KIAA1549L: variants seen among roughly 807,000 people sequenced by gnomAD.
The protein encoded by KIAA1549L is UPF0606 protein KIAA1549L.
Under a neutral mutation model 160.7 loss-of-function variants are expected in KIAA1549L, and 88 were observed. That is an observed-to-expected ratio of 0.55 (90% confidence interval 0.46 to 0.65). The LOEUF (loss-of-function observed/expected upper bound fraction) is 0.65, where lower values mean the gene tolerates loss of function less well. Ranked by LOEUF, KIAA1549L falls within the 30% of genes least tolerant of loss-of-function variation. The pLI is 0.00. For synonymous variants in KIAA1549L, 950 were observed against 976.7 expected (o/e 0.97, Z 0.51); for missense variants, 2,258 against 2,437.5 (o/e 0.93, Z 1.55).
At chr11:33,666,460 C>T (rs1852456659) in intron 20 of KIAA1549L, among the ~76,000 whole-genome samples, 1 of 152,230 alleles carries the variant, frequency 6.6e-6, no homozygotes, top group African/African-American at 2.4e-5. Flanking sequence ...CTTCCAAACT[C>T]ATCTAAGCTG....
At chr11:33,617,276 C>G (rs1214886942) in intron 15 of KIAA1549L, among the ~76,000 whole-genome samples, 2 of 152,192 alleles carry the variant, frequency 1.3e-5, no homozygotes, top group East Asian at 3.8e-4. Flanking sequence ...GTGGAACTCA[C>G]TTGTCCCCAA....
chr11:33,604,771 G>C (rs1435646870), intron 13 of KIAA1549L, among the ~76,000 whole-genome samples: 1 of 152,162 alleles, frequency 6.6e-6, no homozygotes, highest in Admixed American at 6.5e-5. Flanking sequence ...AAGACACACA[G>C]AGTGATATAA....
chr11:33,453,436 A>G (rs907266677), intron 1 of KIAA1549L, among the ~76,000 whole-genome samples: 4 of 152,188 alleles, frequency 2.6e-5, no homozygotes, highest in African/African-American at 9.7e-5. Context: ...TGCTTATACA[A>G]GAGGATTCAC....
intron 1 of KIAA1549L, among the ~76,000 whole-genome samples, chr11:33,460,778 G>A (rs1373192157): frequency 1.3e-5 from 2 of 152,176 alleles, no homozygotes; most frequent in Non-Finnish European, 2.9e-5. Flanking sequence ...AAGTATTTGC[G>A]TTTTGTTCCT....
chr11:33,383,465 C>A (rs571634241), intron 1 of KIAA1549L, among the ~76,000 whole-genome samples: 1 of 152,188 alleles, frequency 6.6e-6, no homozygotes, highest in East Asian at 1.9e-4. Flanking sequence ...ACTTCAGGAC[C>A]AAAGGAGCAG....
At position 33,544,272 on chromosome 11, in the gene KIAA1549L, C is replaced by A. The variant is rs1854155046; in HGVS notation, c.2709C>A (p.Thr903=). 4.3e-6 allele frequency: 7 copies of A among 1,613,868 alleles called. No homozygotes were observed. The highest frequency in any genetic ancestry group is 1.1e-5 in the South Asian group (1 of 91,086). Residue 903 remains threonine, a synonymous_variant, in exon 2 of 21, where the codon ACC becomes ACA. Transcript: ENST00000658780. ...YHSAAESSIS[T]SVFPRTSSRV... ...CTGCTGCTGAATCTTCTATATCGACCAGTGTCTTTCCCAGGACCTCCTCCA... is the reference window on the plus strand; with the variant it reads ...CTGCTGCTGAATCTTCTATATCGACAAGTGTCTTTCCCAGGACCTCCTCCA...
At chr11:33,452,783 G>C (rs1851748027) in intron 1 of KIAA1549L, among the ~76,000 whole-genome samples, 1 of 152,046 alleles carries the variant, frequency 6.6e-6, no homozygotes, top group South Asian at 2.1e-4. Flanking sequence ...AGGGTCCCTC[G>C]CCCCTGTGTG....
Position 33,603,891 on chromosome 11 carries a change from G to A in KIAA1549L, c.4880-2750G>A, listed in dbSNP as rs115495291. ...AGGGACTAAATGAGTTCAGCAAGGG[G>A]GCCAGCATTAGATTGACAGGATCTT... On this transcript the variant is annotated intron_variant, in intron 13 of 20. Coordinates refer to ENST00000658780, the MANE Select transcript of KIAA1549L (RefSeq NM_012194.3). Among the ~76,000 whole-genome samples, 152 of 152,170 alleles carry A rather than the reference G, an allele frequency of 1.0e-3. 1 individual carries two copies. The highest frequency in any genetic ancestry group is 3.5e-3 in the African/African-American group (146 of 41,526).
chr11:33,656,231 C>G, intron 18 of KIAA1549L, 122 bp downstream of exon 18: 1 of 706,838 alleles, frequency 1.4e-6, no homozygotes, highest in South Asian at 1.6e-5. Flanking sequence ...GGGTGTGTCA[C>G]CTGTACAGAC....
intron 1 of KIAA1549L, among the ~76,000 whole-genome samples, chr11:33,424,432 G>A (rs999196431): frequency 7.9e-5 from 12 of 152,000 alleles, no homozygotes; most frequent in African/African-American, 2.9e-4. Context: ...TCTTAATTTG[G>A]CTCCTTCTGC....
chr11:33,393,800 C>T lies in KIAA1549L; in HGVS notation c.238+16911C>T, dbSNP rs188008980. On this transcript the variant is annotated intron_variant, in intron 1 of 20. Coordinates refer to ENST00000658780, the MANE Select transcript of KIAA1549L (RefSeq NM_012194.3). ...CAGACAACCCCGAAAACTTGAGAGC[C>T]GCTCTCTTAAAAGCTGGGATTATGT... Among the ~76,000 whole-genome samples the T allele has an allele frequency of 6.0e-4, 91 of 152,244 alleles. 2 individuals carry two copies. The highest frequency in any genetic ancestry group is 2.5e-3 in the South Asian group (12 of 4,816).
At chr11:33,574,575 T>C (rs1423767462) in intron 9 of KIAA1549L, 127 bp from the exon 10 acceptor site, 3 of 744,890 alleles carry the variant, frequency 4.0e-6, no homozygotes, top group East Asian at 5.4e-5. Flanking sequence ...TAGGGAGGTA[T>C]GTGAAGGTTG....
chr11:33,518,336 G>A (rs1590304869), intron 1 of KIAA1549L, among the ~76,000 whole-genome samples: 1 of 152,174 alleles, frequency 6.6e-6, no homozygotes, highest in South Asian at 2.1e-4. Flanking sequence ...AAAGTGATTT[G>A]CTTTACATGT....
At chr11:33,473,530 A>G (rs1207749555) in intron 1 of KIAA1549L, among the ~76,000 whole-genome samples, 3 of 152,206 alleles carry the variant, frequency 2.0e-5, no homozygotes, top group Admixed American at 2.0e-4. Context: ...TGGCCTAATT[A>G]TAGTTACCTT....
chr11:33,493,902 A>C (rs1425669371), intron 1 of KIAA1549L, among the ~76,000 whole-genome samples: 1 of 152,196 alleles, frequency 6.6e-6, no homozygotes, highest in Admixed American at 6.5e-5. Context: ...GTCATTGTTA[A>C]CAGCAGATAC....
intron 1 of KIAA1549L, among the ~76,000 whole-genome samples, chr11:33,517,929 C>T (rs12270137): frequency 0.21 from 32,569 of 151,666 alleles, 3,654 homozygotes; most frequent in East Asian, 0.34. Context: ...ATCATGAGGC[C>T]AGGAGTTCAA....
intron 1 of KIAA1549L, among the ~76,000 whole-genome samples, chr11:33,437,935 G>T (rs1474010121): frequency 6.6e-6 from 1 of 152,106 alleles, no homozygotes; most frequent in African/African-American, 2.4e-5. Context: ...TTGCATTCTG[G>T]ATTCTTTCTC....
At chr11:33,550,317 A>G (rs939728001) in intron 4 of KIAA1549L, among the ~76,000 whole-genome samples, 33 of 151,602 alleles carry the variant, frequency 2.2e-4, no homozygotes, top group African/African-American at 7.5e-4. Flanking sequence ...AATAAACATT[A>G]TATTTAATAT....
In KIAA1549L at chr11:33,405,342, G is replaced by T. The variant is rs535084982; in HGVS notation, c.238+28453G>T. On this transcript the variant is annotated intron_variant, in intron 1 of 20. Coordinates refer to ENST00000658780, the MANE Select transcript of KIAA1549L (RefSeq NM_012194.3). ...TTAGGTTTGTGGGAGGGGTTGTGTA[G>T]CGAGATAACAAAAAAGACATTACAG... Among the ~76,000 whole-genome samples, 320 of 152,160 alleles carry T rather than the reference G, an allele frequency of 2.1e-3. 1 individual carries two copies. Among genetic ancestry groups the T allele is most frequent in the African/African-American group, 7.3e-3 (305 of 41,500 alleles).
Sources: gnomAD v4.1 joint callset for allele counts (sites outside exome capture counted in the v4.1 genomes callset) on GRCh38, gnomAD v4.1.1 for gene constraint, MANE v1.5 for transcripts, NCBI Gene and HGNC (gene_info 2026-07-23, HGNC 2026-07-21) for gene names.